GABRA2: variants seen among roughly 807,000 people sequenced by gnomAD.
GABRA2 encodes gamma-aminobutyric acid type A receptor subunit alpha2, also known as gamma-aminobutyric acid receptor subunit alpha-2.
Under a neutral mutation model 48.7 loss-of-function variants are expected in GABRA2, and 16 were observed. The observed-to-expected ratio is 0.33, with a 90% CI of 0.22 to 0.50. GABRA2 has a LOEUF of 0.50. Ranked by LOEUF, GABRA2 falls within the 20% of genes least tolerant of loss-of-function variation. The probability of loss-of-function intolerance (pLI) is 0.98; values close to 1 mark genes in which losing one functional copy is unlikely to be tolerated. For synonymous variants in GABRA2, 185 were observed against 184.5 expected, an observed-to-expected ratio of 1.00 and a Z score of -0.02; for missense variants, 275 against 535.6, an observed-to-expected ratio of 0.51 and a Z score of 4.80.
At chr4:46,346,406 A>T (rs1734148135) in intron 3 of GABRA2, among the ~76,000 whole-genome samples, 2 of 151,456 alleles carry the variant, frequency 1.3e-5, no homozygotes. Context: ...TAAGAATAAT[A>T]AAAAAAACTC....
chr4:46,389,656 T>G (rs1717958061), intron 1 of GABRA2, 79 bp downstream of exon 1: 5 of 790,394 alleles, frequency 6.3e-6, no homozygotes, highest in Non-Finnish European at 7.6e-6. Context: ...GAAAGTGGGG[T>G]GGGGGGAGAT....
Position 46,390,124 on chromosome 4 carries a change from C to A in GABRA2, c.-400G>T. 1 of 960,182 alleles carries A rather than the reference C, an allele frequency of 1.0e-6. No individual in the cohort carries two copies. Among genetic ancestry groups the A allele is most frequent in the Non-Finnish European group, 1.2e-6 (1 of 808,528 alleles). 59.5% of individuals were successfully genotyped at this position (960,182 alleles called of 1,614,324 possible). A position where few individuals can be genotyped will look rare whatever the true frequency, so the allele number is the denominator to read the frequency against. ...CCGGCGGTGGCGGGCACGAGCCCCG[C>A]GCCTGGAGGAGGAGGAGTCAGGCCG... On this transcript the variant is annotated 5_prime_UTR_variant, in exon 1 of 10. Transcript: ENST00000381620.
intron 4 of GABRA2, among the ~76,000 whole-genome samples, chr4:46,322,065 T>C (rs901174076): frequency 6.6e-6 from 1 of 151,954 alleles, no homozygotes; most frequent in African/African-American, 2.4e-5. Context: ...TCAGTAAAAA[T>C]GTATGTTCCC....
At chr4:46,318,200 T>C (rs946063409) in intron 4 of GABRA2, among the ~76,000 whole-genome samples, 5 of 151,322 alleles carry the variant, frequency 3.3e-5, no homozygotes, top group Non-Finnish European at 5.9e-5. Context: ...ATCATAAAAA[T>C]TTTAAGTGGG....
At chr4:46,295,879 T>C (rs1724541976) in intron 8 of GABRA2, among the ~76,000 whole-genome samples, 1 of 152,204 alleles carries the variant, frequency 6.6e-6, no homozygotes, top group Non-Finnish European at 1.5e-5. Context: ...CTATCATCTA[T>C]GGACTCATAG....
intron 6 of GABRA2, among the ~76,000 whole-genome samples, chr4:46,308,797 A>G (rs1727134457): frequency 6.6e-6 from 1 of 152,070 alleles, no homozygotes; most frequent in Non-Finnish European, 1.5e-5. Flanking sequence ...AAGTGTGCTT[A>G]TTTCATTTTC....
chr4:46,283,594 GC>G (rs145780235), intron 8 of GABRA2, among the ~76,000 whole-genome samples: 2,989 of 152,164 alleles, frequency 0.02, 109 homozygotes, highest in African/African-American at 0.069. Context: ...TCCAAACATA[GC>G]CCTTTTGGAG....
At chr4:46,334,986 A>G (rs1414953648) in intron 3 of GABRA2, among the ~76,000 whole-genome samples, 2 of 152,158 alleles carry the variant, frequency 1.3e-5, no homozygotes, top group Non-Finnish European at 1.5e-5. Flanking sequence ...ATATGGATGG[A>G]TGCACAGAGC....
At chr4:46,384,936 G>T (rs970252736) in intron 3 of GABRA2, among the ~76,000 whole-genome samples, 3 of 151,752 alleles carry the variant, frequency 2.0e-5, no homozygotes, top group South Asian at 2.1e-4. Context: ...TCCTCTCTGG[G>T]ATGTCTCTCT....
At chr4:46,300,534 T>C (rs143772484) in intron 8 of GABRA2, among the ~76,000 whole-genome samples, 1 of 152,130 alleles carries the variant, frequency 6.6e-6, no homozygotes, top group East Asian at 1.9e-4. Flanking sequence ...CTTACGATTG[T>C]CATATTTATC....
At chr4:46,347,535 T>A (rs1357311626) in intron 3 of GABRA2, among the ~76,000 whole-genome samples, 12 of 151,898 alleles carry the variant, frequency 7.9e-5, no homozygotes. Context: ...AAACTGTCTA[T>A]CCACATGCAG....
chr4:46,262,990 G>A (rs1717350182), intron 8 of GABRA2, among the ~76,000 whole-genome samples: 1 of 151,474 alleles, frequency 6.6e-6, no homozygotes, highest in African/African-American at 2.4e-5. Flanking sequence ...GAGGGAGGGA[G>A]GGAGAGAGAG....
chr4:46,319,663 G>A (rs755548811), intron 4 of GABRA2, among the ~76,000 whole-genome samples: 1 of 151,810 alleles, frequency 6.6e-6, no homozygotes, highest in Non-Finnish European at 1.5e-5. Flanking sequence ...CCAAACTACA[G>A]TTGCAGAACA....
intron 4 of GABRA2, among the ~76,000 whole-genome samples, chr4:46,326,588 C>G (rs1433287214): frequency 6.6e-6 from 1 of 151,330 alleles, no homozygotes; most frequent in African/African-American, 2.4e-5. Flanking sequence ...TGCTCCTTCT[C>G]AGTCTCTTCT....
At chr4:46,342,770 C>T (rs553785431) in intron 3 of GABRA2, among the ~76,000 whole-genome samples, 14 of 152,182 alleles carry the variant, frequency 9.2e-5, no homozygotes, top group Non-Finnish European at 1.3e-4. Flanking sequence ...AGCCTCCCAT[C>T]TCAACCTCCT....
At chr4:46,360,038 G>C (rs1712912230) in intron 3 of GABRA2, among the ~76,000 whole-genome samples, 1 of 152,156 alleles carries the variant, frequency 6.6e-6, no homozygotes, top group Non-Finnish European at 1.5e-5. Flanking sequence ...TGTGCTACTA[G>C]CTAGGGAGCA....
At chr4:46,368,233 A>C (rs1714349414) in intron 3 of GABRA2, 1 of 152,096 alleles carries the variant, frequency 6.6e-6, no homozygotes, top group South Asian at 2.1e-4. Context: ...TGACTAATCC[A>C]ATCACTAAAC....
chr4:46,338,173 T>G (rs1179493422), intron 3 of GABRA2, among the ~76,000 whole-genome samples: 1 of 151,938 alleles, frequency 6.6e-6, no homozygotes, highest in Non-Finnish European at 1.5e-5. Flanking sequence ...ATCATAAAAA[T>G]ATTTCTGAAA....
At chr4:46,369,236 G>A (rs1714513619) in intron 3 of GABRA2, among the ~76,000 whole-genome samples, 1 of 152,030 alleles carries the variant, frequency 6.6e-6, no homozygotes, top group African/African-American at 2.4e-5. Context: ...TGTAATCAGG[G>A]AAGCTATTAC....
Sources: gnomAD v4.1 joint callset for allele counts (sites outside exome capture counted in the v4.1 genomes callset) on GRCh38, gnomAD v4.1.1 for gene constraint, MANE v1.5 for transcripts, NCBI Gene and HGNC (gene_info 2026-07-23, HGNC 2026-07-21) for gene names.